MPP7: variants seen among roughly 807,000 people sequenced by gnomAD.
MPP7 encodes the protein MAGUK p55 subfamily member 7.
In MPP7, 60 loss-of-function variants were observed where a neutral mutation model predicts 76.5. That is an observed-to-expected ratio of 0.78 (90% CI 0.64 to 0.97). The LOEUF (loss-of-function observed/expected upper bound fraction) is 0.97, where lower values mean the gene tolerates loss of function less well. MPP7 is among the 50% of genes least tolerant of loss of function. The probability of loss-of-function intolerance (pLI) is 0.00; values close to 1 mark genes in which losing one functional copy is unlikely to be tolerated. For synonymous variants in MPP7, 237 were observed against 244.5 expected (o/e 0.97, Z 0.29); for missense variants, 641 against 694.0 (o/e 0.92, Z 0.86).
chr10:28,103,105 T>C (rs929977173), intron 11 of MPP7, among the ~76,000 whole-genome samples: 5 of 151,592 alleles, frequency 3.3e-5, no homozygotes, highest in African/African-American at 1.2e-4. Flanking sequence ...CAATGCGTCC[T>C]GTCTCAGGGC....
intron 1 of MPP7, among the ~76,000 whole-genome samples, chr10:28,275,347 T>C (rs1840459270): frequency 6.6e-6 from 1 of 151,758 alleles, no homozygotes; most frequent in Non-Finnish European, 1.5e-5. Flanking sequence ...TGCTGTTGAG[T>C]CCTATCTCTC....
chr10:28,154,533 AG>A (rs1835987611), intron 3 of MPP7, among the ~76,000 whole-genome samples: 1 of 152,198 alleles, frequency 6.6e-6, no homozygotes, highest in South Asian at 2.1e-4. Flanking sequence ...CAAAATACAA[AG>A]CACCAAAAAC....
Position 28,052,874 on chromosome 10 carries a change from T to C in MPP7, c.*1191A>G, listed in dbSNP as rs183132391. On this transcript the variant is annotated 3_prime_UTR_variant, in exon 17 of 17. Coordinates refer to ENST00000683449, the MANE Select transcript of MPP7 (RefSeq NM_001318170.2). ...AAGAACGGCAGGATATGCTCTCTTA[T>C]AGAACGGATAGACATTTCTAGCATT... 3 of 152,312 alleles carry C rather than the reference T, an allele frequency of 2.0e-5. No individual in the cohort carries two copies. The highest frequency in any genetic ancestry group is 7.2e-5 in the African/African-American group (3 of 41,574). 9.4% of individuals were successfully genotyped at this position (152,312 alleles called of 1,614,324 possible). A position where few individuals can be genotyped will look rare whatever the true frequency, so the allele number is the denominator to read the frequency against.
At chr10:28,193,347 G>C (rs540727008) in intron 3 of MPP7, among the ~76,000 whole-genome samples, 2 of 152,104 alleles carry the variant, frequency 1.3e-5, no homozygotes, top group South Asian at 4.2e-4. Context: ...CGAGTAGCTG[G>C]GACTACAGGC....
chr10:28,127,326 T>C (rs1331729142), intron 6 of MPP7, among the ~76,000 whole-genome samples: 2 of 152,306 alleles, frequency 1.3e-5, no homozygotes, highest in East Asian at 1.9e-4. Flanking sequence ...TGCTTTCTCA[T>C]CCCAATGGGG....
intron 3 of MPP7, among the ~76,000 whole-genome samples, chr10:28,178,737 G>A (rs941534021): frequency 6.6e-6 from 1 of 152,066 alleles, no homozygotes; most frequent in Non-Finnish European, 1.5e-5. Context: ...ACTTTGAAAA[G>A]TTCATGGAAC....
At chr10:28,217,385 T>C (rs1210048155) in intron 2 of MPP7, among the ~76,000 whole-genome samples, 1 of 151,724 alleles carries the variant, frequency 6.6e-6, no homozygotes, top group Non-Finnish European at 1.5e-5. Flanking sequence ...AAATATTAGC[T>C]GGGTGTACTG....
At chr10:28,303,504 G>T (rs529214186), upstream of MPP7, 1 of 152,326 alleles carries the variant, frequency 6.6e-6, no homozygotes, top group African/African-American at 2.4e-5. Flanking sequence ...TTTGGATTCA[G>T]ACAAGTCTCC....
chr10:28,057,266 G>A (rs1465954452), intron 15 of MPP7, among the ~76,000 whole-genome samples: 2 of 152,196 alleles, frequency 1.3e-5, no homozygotes, highest in East Asian at 1.9e-4. Flanking sequence ...GTTTGGATCT[G>A]TGTCCACACC....
intron 2 of MPP7, among the ~76,000 whole-genome samples, chr10:28,225,750 T>A (rs72803687): frequency 0.026 from 4,017 of 152,228 alleles, 74 homozygotes; most frequent in Middle Eastern, 0.044. Flanking sequence ...GGAAAATAGG[T>A]TGGTGGTTCC....
chr10:28,162,606 T>C lies in MPP7; in HGVS notation c.157-12547A>G, dbSNP rs536538214. The stretch of plus-strand genomic sequence containing the variant: ...CAGTGGGGAGCAGGTTATTAATTCG[T>C]TGTTCAATAGTCATCTACTAGGTGT... On this transcript the variant is annotated intron_variant, in intron 3 of 16. Transcript: ENST00000683449. Among the ~76,000 whole-genome samples the C allele has an allele frequency of 5.9e-5, 9 of 152,284 alleles. No individual in the cohort carries two copies. The East Asian group carries it at 1.7e-3, about 29-fold the overall frequency.
chr10:28,171,191 T>C (rs2133867343), intron 3 of MPP7, among the ~76,000 whole-genome samples: 1 of 152,318 alleles, frequency 6.6e-6, no homozygotes, highest in East Asian at 1.9e-4. Context: ...AAGTTTATAG[T>C]ATACTTTGTG....
intron 3 of MPP7, among the ~76,000 whole-genome samples, chr10:28,181,541 ATTATC>A (rs780051084): frequency 0.5 from 76,120 of 152,162 alleles, 21,398 homozygotes; most frequent in Middle Eastern, 0.72. Context: ...GTGAGCATCT[ATTATC>A]GTGCCCCACG....
intron 2 of MPP7, among the ~76,000 whole-genome samples, chr10:28,310,020 T>TA (rs1841281078): frequency 1.4e-5 from 2 of 144,188 alleles, no homozygotes. Context: ...TTTTTTTTTT[T>TA]AAACGGAGTC....
At chr10:28,266,612 C>T (rs1361815748) in intron 1 of MPP7, among the ~76,000 whole-genome samples, 1 of 152,150 alleles carries the variant, frequency 6.6e-6, no homozygotes, top group Non-Finnish European at 1.5e-5. Context: ...ATGGATAACA[C>T]AACAGAGAGA....
intron 12 of MPP7, among the ~76,000 whole-genome samples, chr10:28,077,143 G>A (rs1418751349): frequency 6.6e-6 from 1 of 151,268 alleles, no homozygotes; most frequent in Non-Finnish European, 1.5e-5. Context: ...TGAATTAGTG[G>A]GAAAAAATAT....
chr10:28,281,385 G>A (rs1840667761), intron 1 of MPP7, among the ~76,000 whole-genome samples: 1 of 152,024 alleles, frequency 6.6e-6, no homozygotes, highest in African/African-American at 2.4e-5. Flanking sequence ...CACTGCACCA[G>A]GCCTAATGGT....
chr10:28,167,400 T>C (rs183593844), intron 3 of MPP7, among the ~76,000 whole-genome samples: 4 of 152,224 alleles, frequency 2.6e-5, no homozygotes, highest in East Asian at 1.9e-4. Flanking sequence ...TGTTCTCACT[T>C]ATAAGTGGGA....
intron 5 of MPP7, among the ~76,000 whole-genome samples, chr10:28,134,309 T>C (rs554915368): frequency 6.6e-6 from 1 of 152,336 alleles, no homozygotes; most frequent in African/African-American, 2.4e-5. Flanking sequence ...CATGTGTGTC[T>C]CTTGGTGAGA....
Sources: gnomAD v4.1 joint callset for allele counts (sites outside exome capture counted in the v4.1 genomes callset) on GRCh38, gnomAD v4.1.1 for gene constraint, MANE v1.5 for transcripts, NCBI Gene and HGNC (gene_info 2026-07-23, HGNC 2026-07-21) for gene names.